The following FGGY variants were observed in gnomAD, a reference collection of about 807,000 sequenced individuals.
FGGY encodes FGGY carbohydrate kinase domain-containing protein.
FGGY carries 72 observed loss-of-function variants against 71.3 expected under a neutral mutation model. The ratio of observed to expected loss-of-function variants is 1.01; its 90% CI spans 0.84 to 1.23. The LOEUF (loss-of-function observed/expected upper bound fraction) is 1.23. FGGY is among the 50% of genes most tolerant of loss of function. The probability of loss-of-function intolerance (pLI) is 0.00; values close to 1 mark genes in which losing one functional copy is unlikely to be tolerated. For missense variants in FGGY, 668 were observed against 682.3 expected, an observed-to-expected ratio of 0.98 and a Z score of 0.23; for synonymous variants, 251 against 250.3, an observed-to-expected ratio of 1.00 and a Z score of -0.02.
intron 14 of FGGY, among the ~76,000 whole-genome samples, chr1:59,686,356 A>G (rs1458562950): frequency 1.3e-5 from 2 of 152,236 alleles, no homozygotes; most frequent in Non-Finnish European, 2.9e-5. Flanking sequence ...GCACCCGTCA[A>G]TCGAGAAGGG....
intron 4 of FGGY, among the ~76,000 whole-genome samples, chr1:59,361,963 A>G (rs1416347014): frequency 6.6e-6 from 1 of 152,180 alleles, no homozygotes; most frequent in Non-Finnish European, 1.5e-5. Context: ...ACTCAGAGGC[A>G]GTGACATCAG....
chr1:59,414,817 C>G (rs1372207311), intron 5 of FGGY, among the ~76,000 whole-genome samples: 1 of 152,200 alleles, frequency 6.6e-6, no homozygotes, highest in East Asian at 1.9e-4. Context: ...ACTGATATCC[C>G]TCTGTGTCCT....
At chr1:59,733,668 G>C (rs1230678670) in intron 14 of FGGY, among the ~76,000 whole-genome samples, 1 of 152,132 alleles carries the variant, frequency 6.6e-6, no homozygotes. Flanking sequence ...TGTTGCTGCT[G>C]TTCTCAGAAC....
chr1:59,678,442 A>G (rs1386291408), intron 14 of FGGY, among the ~76,000 whole-genome samples: 1 of 152,224 alleles, frequency 6.6e-6, no homozygotes, highest in Non-Finnish European at 1.5e-5. Context: ...GAAAATCAAT[A>G]AACTGGAAAA....
At chr1:59,487,802 C>T (rs964021551) in intron 6 of FGGY, among the ~76,000 whole-genome samples, 1 of 152,092 alleles carries the variant, frequency 6.6e-6, no homozygotes, top group African/African-American at 2.4e-5. Flanking sequence ...CTCCCACTCC[C>T]ACCCCCTCCC....
At position 59,656,641 on chromosome 1, in the gene FGGY, C is replaced by T. The variant is rs545339904; in HGVS notation, c.1222-3578C>T. On this transcript the variant is annotated intron_variant, in intron 11 of 15. Transcript: ENST00000303721. The stretch of plus-strand genomic sequence containing the variant: ...ACTAAGTCACATTTCAATACCATGG[C>T]TCTAGTGTTAGTGGTGAGGGAATAC... Among the ~76,000 whole-genome samples the T allele has an allele frequency of 3.9e-5, 6 of 152,286 alleles. No individual in the cohort carries two copies. The East Asian group carries it at 1.2e-3, about 29-fold the overall frequency.
intron 14 of FGGY, among the ~76,000 whole-genome samples, chr1:59,690,716 C>T (rs923650592): frequency 1.3e-5 from 2 of 152,180 alleles, no homozygotes; most frequent in African/African-American, 4.8e-5. Flanking sequence ...TGTAATCTTC[C>T]TGAAGCTGGC....
At chr1:59,516,488 G>A (rs1229059743) in intron 7 of FGGY, among the ~76,000 whole-genome samples, 2 of 152,186 alleles carry the variant, frequency 1.3e-5, no homozygotes, top group Non-Finnish European at 1.5e-5. Flanking sequence ...TATGACAAGG[G>A]CACTCAAAAT....
At chr1:59,553,972 T>C in intron 7 of FGGY, 152 bp from the exon 8 acceptor site, 1 of 534,156 alleles carries the variant, frequency 1.9e-6, no homozygotes, top group Non-Finnish European at 3.2e-6. Context: ...GTATGCCCTT[T>C]GGGTTTCTCC....
chr1:59,523,471 T>A (rs1437527275), intron 7 of FGGY, among the ~76,000 whole-genome samples: 1 of 152,212 alleles, frequency 6.6e-6, no homozygotes, highest in Admixed American at 6.5e-5. Context: ...TTTTCAGTTT[T>A]CTCTTAGCTG....
intron 7 of FGGY, among the ~76,000 whole-genome samples, chr1:59,545,705 G>A (rs1303818324): frequency 2.0e-5 from 3 of 152,140 alleles, no homozygotes; most frequent in Non-Finnish European, 4.4e-5. Context: ...TCTGTTCTTT[G>A]TTCTCTCCAC....
chr1:59,615,231 G>C (rs550577596), intron 9 of FGGY, among the ~76,000 whole-genome samples: 7 of 152,112 alleles, frequency 4.6e-5, no homozygotes, highest in Non-Finnish European at 1.0e-4. Flanking sequence ...GAGACATCAC[G>C]CTACCTGACT....
At chr1:59,567,364 A>G (rs988625594) in intron 8 of FGGY, among the ~76,000 whole-genome samples, 5 of 152,256 alleles carry the variant, frequency 3.3e-5, no homozygotes, top group Non-Finnish European at 7.4e-5. Flanking sequence ...ATTAAGAACA[A>G]CTAATTGCCA....
At chr1:59,642,420 T>C (rs1215143033) in intron 11 of FGGY, among the ~76,000 whole-genome samples, 2 of 148,152 alleles carry the variant, frequency 1.3e-5, no homozygotes, top group African/African-American at 5.0e-5. Context: ...AGGTCAGGGG[T>C]TCGAGACCAG....
At chr1:59,571,062 C>A (rs1386998497) in intron 8 of FGGY, among the ~76,000 whole-genome samples, 1 of 152,206 alleles carries the variant, frequency 6.6e-6, no homozygotes, top group Non-Finnish European at 1.5e-5. Flanking sequence ...TATACCCCAT[C>A]TGTGGACCCC....
chr1:59,744,512 C>T (rs962402002), intron 14 of FGGY, among the ~76,000 whole-genome samples: 9 of 152,232 alleles, frequency 5.9e-5, no homozygotes, highest in Admixed American at 6.5e-5. Flanking sequence ...TGAGCCACTG[C>T]GCCCGGCCCA....
chr1:59,474,154 G>T (rs1173581034), intron 6 of FGGY: 1 of 152,200 alleles, frequency 6.6e-6, no homozygotes, highest in African/African-American at 2.4e-5. Flanking sequence ...TAGCCCTAAA[G>T]AGCCAGAAGG....
chr1:59,398,402 C>A (rs926398813), intron 5 of FGGY, among the ~76,000 whole-genome samples: 3 of 152,098 alleles, frequency 2.0e-5, no homozygotes, highest in African/African-American at 7.2e-5. Flanking sequence ...CCACGCCTGG[C>A]TAATTTTTGT....
At chr1:59,467,857 TC>T (rs1420252772) in intron 6 of FGGY, among the ~76,000 whole-genome samples, 1 of 152,132 alleles carries the variant, frequency 6.6e-6, no homozygotes, top group Non-Finnish European at 1.5e-5. Flanking sequence ...TTTTTTTAAG[TC>T]CCTTGTTGGC....
Sources: gnomAD v4.1 joint callset for allele counts (sites outside exome capture counted in the v4.1 genomes callset) on GRCh38, gnomAD v4.1.1 for gene constraint, MANE v1.5 for transcripts, NCBI Gene and HGNC (gene_info 2026-07-23, HGNC 2026-07-21) for gene names.